ARHGAP25: variants seen among roughly 807,000 people sequenced by gnomAD.
The protein encoded by ARHGAP25 is Rho GTPase activating protein 25, also known as rho GTPase-activating protein 25.
A neutral mutation model predicts 71.0 loss-of-function variants in ARHGAP25; 34 were observed. The ratio of observed to expected loss-of-function variants is 0.48; its 90% CI spans 0.36 to 0.64. The LOEUF (loss-of-function observed/expected upper bound fraction) is 0.64. ARHGAP25 is among the 30% of genes least tolerant of loss of function. The pLI is 0.00. For synonymous variants in ARHGAP25, 282 were observed against 296.5 expected (o/e 0.95, Z 0.50); for missense variants, 706 against 805.1 (o/e 0.88, Z 1.49).
In ARHGAP25 at chr2:68,774,709, A is replaced by G. The variant is rs951670161; in HGVS notation, c.62-512A>G. On this transcript the variant is annotated intron_variant, in intron 1 of 10. Coordinates refer to ENST00000409202, the MANE Select transcript of ARHGAP25 (RefSeq NM_001007231.3). ...GTTCCACAGCGAGGTTGGAGCTAAC[A>G]GCTTCTGTCTTGCGGCCCCTCCTCT... 3.0e-6 allele frequency: 3 copies of G among 998,694 alleles called. No individual in the cohort carries two copies. In the African/African-American group the frequency reaches 5.2e-5, roughly 17 times the overall value. The allele number at this position is 998,694 out of a possible 1,614,324, so 61.9% of individuals were successfully genotyped here.
intron 1 of ARHGAP25, among the ~76,000 whole-genome samples, chr2:68,765,478 C>T (rs1198249076): frequency 6.6e-6 from 1 of 152,112 alleles, no homozygotes; most frequent in Non-Finnish European, 1.5e-5. Flanking sequence ...AATGAACCCC[C>T]ATGTAGACCC....
intron 1 of ARHGAP25, among the ~76,000 whole-genome samples, chr2:68,773,300 G>T (rs185354564): frequency 6.6e-6 from 1 of 152,214 alleles, no homozygotes; most frequent in Admixed American, 6.5e-5. Context: ...AATCACAGGC[G>T]TAGAAGGAGA....
At chr2:68,773,417 C>T (rs995768390) in intron 1 of ARHGAP25, among the ~76,000 whole-genome samples, 31 of 152,068 alleles carry the variant, frequency 2.0e-4, no homozygotes, top group Non-Finnish European at 4.1e-4. Context: ...ATCAAATATC[C>T]CATGTTCTTA....
chr2:68,749,758 T>C (rs1676047287), intron 1 of ARHGAP25, among the ~76,000 whole-genome samples: 1 of 152,192 alleles, frequency 6.6e-6, no homozygotes, highest in South Asian at 2.1e-4. Flanking sequence ...TAACAAGGGC[T>C]GTGGTCTAGG....
intron 3 of ARHGAP25, among the ~76,000 whole-genome samples, chr2:68,787,130 C>T (rs1020272676): frequency 6.6e-6 from 1 of 152,196 alleles, no homozygotes; most frequent in Non-Finnish European, 1.5e-5. Context: ...TCTTTCTCTT[C>T]GTCTCCTTCT....
intron 1 of ARHGAP25, among the ~76,000 whole-genome samples, chr2:68,739,270 A>G (rs56260428): frequency 0.026 from 4,025 of 152,274 alleles, 184 homozygotes; most frequent in African/African-American, 0.092. Context: ...GATGGTTCTT[A>G]TTGCCTATGT....
chr2:68,800,655 C>T (rs17035934), intron 4 of ARHGAP25, among the ~76,000 whole-genome samples: 3 of 152,036 alleles, frequency 2.0e-5, no homozygotes, highest in African/African-American at 4.8e-5. Flanking sequence ...AAATAAAGCA[C>T]TGAATATAGA....
At chr2:68,728,220 A>G (rs968672032) in intron 2 of ARHGAP25, among the ~76,000 whole-genome samples, 2 of 152,232 alleles carry the variant, frequency 1.3e-5, no homozygotes, top group Non-Finnish European at 2.9e-5. Flanking sequence ...AAATGAAAAG[A>G]TGCTTAACAT....
At chr2:68,712,126 C>T (rs1674499153) in intron 2 of ARHGAP25, among the ~76,000 whole-genome samples, 1 of 152,222 alleles carries the variant, frequency 6.6e-6, no homozygotes. Flanking sequence ...TTTACACTCC[C>T]ACCAACAGTG....
chr2:68,738,544 G>A (rs969929009), intron 1 of ARHGAP25, among the ~76,000 whole-genome samples: 2 of 152,142 alleles, frequency 1.3e-5, no homozygotes, highest in African/African-American at 4.8e-5. Flanking sequence ...TGGACTGAAT[G>A]TGGTCTGTTT....
At chr2:68,738,278 A>G (rs1675320577) in intron 1 of ARHGAP25, among the ~76,000 whole-genome samples, 1 of 152,182 alleles carries the variant, frequency 6.6e-6, no homozygotes, top group Non-Finnish European at 1.5e-5. Context: ...CTCCAGCCCC[A>G]GGTTACAGGG....
At chr2:68,771,883 G>T (rs534232754) in intron 1 of ARHGAP25, among the ~76,000 whole-genome samples, 2 of 152,298 alleles carry the variant, frequency 1.3e-5, no homozygotes, top group South Asian at 4.1e-4. Flanking sequence ...ATAAAACATG[G>T]CCAGGCAGAG....
chr2:68,728,787 CT>C lies in ARHGAP25; in HGVS notation c.-18+18091del, dbSNP rs552755986. Among the ~76,000 whole-genome samples, 3 of 152,194 alleles carry C rather than the reference CT, an allele frequency of 2.0e-5. No homozygotes were observed. In the South Asian group the frequency reaches 6.2e-4, roughly 32 times the overall value. ...AAATAAATAAATAAAATTTAAAAAA[CT>C]TGTGCACAAATGTTCATAGCATCAT... On this transcript the variant is annotated intron_variant and NMD_transcript_variant, in intron 2 of 7. Coordinates refer to the ARHGAP25 transcript ENST00000463483.
At chr2:68,752,475 C>A (rs1302324554) in intron 1 of ARHGAP25, among the ~76,000 whole-genome samples, 1 of 152,142 alleles carries the variant, frequency 6.6e-6, no homozygotes, top group African/African-American at 2.4e-5. Flanking sequence ...ATGTAATAGG[C>A]CTCCTTAGGG....
At chr2:68,818,055 T>G (rs1681360157) in intron 8 of ARHGAP25, 61 bp downstream of exon 8, 1 of 1,595,684 alleles carries the variant, frequency 6.3e-7, no homozygotes, top group East Asian at 2.2e-5. Context: ...ACATTCCCCC[T>G]GATATTTGTG....
intron 1 of ARHGAP25, among the ~76,000 whole-genome samples, chr2:68,736,062 C>G (rs769028285): frequency 1.3e-5 from 2 of 152,140 alleles, no homozygotes; most frequent in Non-Finnish European, 2.9e-5. Context: ...ATGTATCTCA[C>G]CCATACATGA....
intron 2 of ARHGAP25, among the ~76,000 whole-genome samples, chr2:68,720,342 A>C (rs1230389173): frequency 6.6e-6 from 1 of 151,468 alleles, no homozygotes; most frequent in African/African-American, 2.4e-5. Flanking sequence ...AAGAAAAGAA[A>C]AGAAAAGAAA....
intron 4 of ARHGAP25, among the ~76,000 whole-genome samples, chr2:68,793,700 A>G (rs1356427737): frequency 1.3e-5 from 2 of 152,120 alleles, no homozygotes; most frequent in African/African-American, 4.8e-5. Flanking sequence ...ATTTGAAGTC[A>G]AGTAATATGA....
Position 68,822,612 on chromosome 2 carries a change from G to T in ARHGAP25, c.1473G>T (p.Leu491Phe). 1 of 1,614,140 alleles carries T rather than the reference G, an allele frequency of 6.2e-7. No homozygotes were observed. The highest frequency in any genetic ancestry group is 2.2e-5 in the East Asian group (1 of 44,884). The change falls in exon 10 of 11, where the codon TTG becomes TTT. Residue 491 changes from leucine to phenylalanine, a missense_variant. Coordinates refer to ENST00000409202, the MANE Select transcript of ARHGAP25 (RefSeq NM_001007231.3). ...ACAGGAGAACGATGTCTCAAGACTT[G>T]CGCCAACTTTCTGACTCCCAACGGA... The part of the protein sequence containing the change: ...EGHRRTMSQD[L>F]RQLSDSQRTS...
Sources: gnomAD v4.1 joint callset for allele counts (sites outside exome capture counted in the v4.1 genomes callset) on GRCh38, gnomAD v4.1.1 for gene constraint, MANE v1.5 for transcripts, NCBI Gene and HGNC (gene_info 2026-07-23, HGNC 2026-07-21) for gene names.